DNAH5: variants seen among roughly 807,000 people sequenced by gnomAD.
DNAH5 encodes the protein dynein axonemal heavy chain 5.
Under a neutral mutation model 518.2 loss-of-function variants are expected in DNAH5, and 372 were observed. The observed-to-expected ratio is 0.72, with a 90% CI of 0.66 to 0.78. The LOEUF is 0.78. DNAH5 is among the 30% of genes least tolerant of loss of function. The pLI is 0.00. For synonymous variants in DNAH5, 2,039 were observed against 2,025.9 expected (o/e 1.01, Z -0.17); for missense variants, 5,523 against 5,687.0 (o/e 0.97, Z 0.93).
At chr5:13,806,371 G>T (rs1021139580) in intron 47 of DNAH5, among the ~76,000 whole-genome samples, 1 of 152,126 alleles carries the variant, frequency 6.6e-6, no homozygotes, top group Non-Finnish European at 1.5e-5. Flanking sequence ...GTCTCCTCCA[G>T]AAGAGTATAA....
At chr5:13,957,806 C>G (rs1486579486) in intron 1 of DNAH5, among the ~76,000 whole-genome samples, 1 of 151,160 alleles carries the variant, frequency 6.6e-6, no homozygotes, top group Admixed American at 6.6e-5. Context: ...ATTCCAATAC[C>G]TGTATTTTTA....
In DNAH5 at chr5:13,762,597, C is replaced by G. The variant is rs1035895955; in HGVS notation, c.10281+125G>C. ...CATGCTTGGCCTTTCTATGCTCACT[C>G]TCCCCATGGACCTGAGTATCCTAAC... On this transcript the variant is annotated intron_variant, in intron 60 of 78. Coordinates refer to ENST00000265104, the MANE Select transcript of DNAH5 (RefSeq NM_001369.3). 3 of 811,892 alleles carry G rather than the reference C, an allele frequency of 3.7e-6. No homozygotes were observed. In the African/African-American group the frequency reaches 5.1e-5, roughly 14 times the overall value. The allele number at this position is 811,892 out of a possible 1,614,324, so 50.3% of individuals were successfully genotyped here.
rs148928696 is a variant in DNAH5, at chr5:13,778,132, A to G, written c.8952-777T>C. Among the ~76,000 whole-genome samples the G allele has an allele frequency of 8.6e-4, 131 of 152,296 alleles. 1 individual carries two copies. The highest frequency in any genetic ancestry group is 1.6e-3 in the Non-Finnish European group (106 of 68,020). ...ATTCAGGGTGCAAGAGAAAAGAGCCATCTGATTTTTTAAAAACTAGTGAAT... is the reference window on the plus strand; with the variant it reads ...ATTCAGGGTGCAAGAGAAAAGAGCCGTCTGATTTTTTAAAAACTAGTGAAT... On this transcript the variant is annotated intron_variant, in intron 53 of 78. Transcript: ENST00000265104.
In DNAH5 at chr5:13,777,275, A is replaced by C; in HGVS notation, c.9032T>G (p.Phe3011Cys). The C allele has an allele frequency of 6.2e-7, 1 of 1,613,390 alleles. No homozygotes were observed. The highest frequency in any genetic ancestry group is 2.2e-5 in the East Asian group (1 of 44,804). ...TAGQQGKGIT[F>C]IFTDNEIKDE... ...TTTAATCTCATTGTCTGTGAAAATAAAAGTGATTCCTTTGCCTTGCTGACC... is the reference window on the plus strand; with the variant it reads ...TTTAATCTCATTGTCTGTGAAAATACAAGTGATTCCTTTGCCTTGCTGACC... Residue 3011 changes from phenylalanine to cysteine, a missense_variant, in exon 54 of 79, where the codon TTT becomes TGT. Phe to Cys is a radical substitution (Grantham distance 205, BLOSUM62 -2). Around this residue, in one of 3 missense-constraint regions of DNAH5, gnomAD observed 5,121 missense variants for 5,223.3 expected, o/e 0.98. Transcript: ENST00000265104.
intron 65 of DNAH5, among the ~76,000 whole-genome samples, chr5:13,740,436 C>T (rs910661347): frequency 6.6e-6 from 1 of 152,172 alleles, no homozygotes; most frequent in African/African-American, 2.4e-5. Flanking sequence ...AAGCTGCCCC[C>T]TCCTTCATTA....
At chr5:13,985,679 C>G (rs113549248) in intron 1 of DNAH5, among the ~76,000 whole-genome samples, 2 of 152,042 alleles carry the variant, frequency 1.3e-5, no homozygotes, top group Non-Finnish European at 2.9e-5. Context: ...CAAAACTGAC[C>G]AGCACCTGAA....
At chr5:13,748,869 A>T (rs932514939) in intron 65 of DNAH5, among the ~76,000 whole-genome samples, 18 of 151,882 alleles carry the variant, frequency 1.2e-4, no homozygotes, top group African/African-American at 3.1e-4. Context: ...AATACCCTTT[A>T]TTTCTTTCTC....
Position 13,814,712 on chromosome 5 carries a change from T to A in DNAH5, c.7123A>T (p.Ile2375Phe), listed in dbSNP as rs529696058. 5.0e-6 allele frequency: 8 copies of A among 1,614,116 alleles called. No homozygotes were observed. In the East Asian group the frequency reaches 1.8e-4, roughly 36 times the overall value. The change falls in exon 43 of 79, where the codon ATC becomes TTC. Residue 2375 changes from isoleucine (I) to phenylalanine (F), a missense_variant. Ile to Phe is a conservative substitution (Grantham distance 21, BLOSUM62 0). Transcript: ENST00000265104. ...TCAATGTTATGAGGCTCGAAAATGA[T>A]CTTGCAGTTTGGAGCCATGGGAATC... ...DRIPMAPNCKIIFEPHNIDNA... is the reference protein window; with the variant it reads ...DRIPMAPNCKFIFEPHNIDNA...
intron 1 of DNAH5, among the ~76,000 whole-genome samples, chr5:14,009,244 G>T (rs1784949001): frequency 6.6e-6 from 1 of 152,174 alleles, no homozygotes; most frequent in Non-Finnish European, 1.5e-5. Context: ...GTGACTAAAG[G>T]AGAAAATGTA....
chr5:13,979,084 C>A (rs1782485535), intron 1 of DNAH5, among the ~76,000 whole-genome samples: 1 of 152,100 alleles, frequency 6.6e-6, no homozygotes, highest in Admixed American at 6.5e-5. Context: ...CCCTGCTGGT[C>A]TCATCTCCTA....
intron 38 of DNAH5, among the ~76,000 whole-genome samples, chr5:13,826,978 T>C (rs1240047368): frequency 6.6e-6 from 1 of 152,206 alleles, no homozygotes; most frequent in East Asian, 1.9e-4. Flanking sequence ...GAGAGTTATA[T>C]GGACAGTGAT....
intron 9 of DNAH5, 68 bp downstream of exon 9, chr5:13,916,280 T>A (rs1007494563): frequency 2.1e-6 from 2 of 933,806 alleles, no homozygotes; most frequent in African/African-American, 1.6e-5. Context: ...TGGTAATTTT[T>A]AATTATCAAA....
At chr5:13,709,413 T>A (rs977124975) in intron 75 of DNAH5, among the ~76,000 whole-genome samples, 1 of 152,082 alleles carries the variant, frequency 6.6e-6, no homozygotes, top group Admixed American at 6.5e-5. Flanking sequence ...AAAAAAAAAT[T>A]TGTGAGTGCA....
At position 13,752,285 on chromosome 5, in the gene DNAH5, G is replaced by A. The variant is rs376067762; in HGVS notation, c.10877C>T (p.Thr3626Met). 25 of 1,613,982 alleles carry A rather than the reference G, an allele frequency of 1.5e-5. No homozygotes were observed. The highest frequency in any genetic ancestry group is 1.7e-4 in the Middle Eastern group (1 of 6,060). Residue 3626 changes from threonine to methionine, a missense_variant, in exon 64 of 79, where the codon ACG becomes ATG. Physicochemically the swap from Thr to Met is moderately conservative, Grantham distance 81. This residue lies in a region of DNAH5 where 5,121 missense variants were observed against 5,223.3 expected (regional missense o/e 0.98). Transcript: ENST00000265104. ...TCTGAAGTACTTGTGATTTAAAGAC[G>A]TGATCTAGGAACAGGATCACAAGGT... is the stretch of plus-strand genomic sequence containing the variant. Reference protein sequence around the residue: ...NKESRNELQITSLNHKYFRNH... With the variant: ...NKESRNELQIMSLNHKYFRNH...
At chr5:13,995,968 A>G (rs1011910922) in intron 1 of DNAH5, among the ~76,000 whole-genome samples, 1 of 152,200 alleles carries the variant, frequency 6.6e-6, no homozygotes, top group African/African-American at 2.4e-5. Context: ...ATTCTGATAA[A>G]GCCTACTATA....
In DNAH5 at chr5:13,883,093, G is replaced by A. The variant is rs779686658; in HGVS notation, c.2985C>T (p.Asp995=). The change falls in exon 20 of 79, where the codon GAC becomes GAT. Residue 995 remains aspartate, a splice_region_variant and synonymous_variant. Transcript: ENST00000265104. ...IHSSHTINFR[D]SNSASNMKQN... is the part of the protein sequence containing the mutation. The stretch of plus-strand genomic sequence containing the variant: ...GCTTCATGTTAGAGGCACTGTTACT[G>A]TCTGAGTTAACCCAAAACAAGGAAG... 1.3e-5 allele frequency: 21 copies of A among 1,613,506 alleles called. No homozygotes were observed. The highest frequency in any genetic ancestry group is 3.3e-5 in the South Asian group (3 of 91,080).
chr5:13,884,654 T>G (rs1389810451), intron 19 of DNAH5, among the ~76,000 whole-genome samples: 1 of 152,122 alleles, frequency 6.6e-6, no homozygotes, highest in Admixed American at 6.5e-5. Flanking sequence ...GTGCCCAACA[T>G]AGTGAAACCC....
intron 30 of DNAH5, among the ~76,000 whole-genome samples, chr5:13,858,267 A>C (rs1767904155): frequency 6.6e-6 from 1 of 152,210 alleles, no homozygotes. Context: ...TGTCCTTTGC[A>C]GGGACATGGA....
chr5:13,792,541 A>C (rs1757161980), intron 49 of DNAH5, among the ~76,000 whole-genome samples: 1 of 152,212 alleles, frequency 6.6e-6, no homozygotes, highest in Non-Finnish European at 1.5e-5. Flanking sequence ...ATAAGAAAAA[A>C]GTTTTTATAA....
Sources: gnomAD v4.1 joint callset for allele counts (sites outside exome capture counted in the v4.1 genomes callset) on GRCh38, gnomAD v4.1.1 for gene constraint, gnomAD v4.1.1 regional missense constraint, MANE v1.5 for transcripts, NCBI Gene and HGNC (gene_info 2026-07-23, HGNC 2026-07-21) for gene names.